Variants in ZNF475 observed in about 807,000 individuals in gnomAD.
ZNF475 encodes the protein zinc finger protein 475.
At chr5:122,160,207 T>C in the ZNF475 span, 1 of 1,289,618 alleles carries the variant, frequency 7.8e-7, no homozygotes. Flanking sequence ...TGCCTGCATA[T>C]CAGGGCAGCA....
At chr5:122,178,714 T>C in the ZNF475 span, among the ~76,000 whole-genome samples, 3 of 152,226 alleles carry the variant, frequency 2.0e-5, no homozygotes, top group Non-Finnish European at 4.4e-5. Context: ...TAGTTTCTTT[T>C]GCTGTGCAGA....
the ZNF475 span, among the ~76,000 whole-genome samples, chr5:122,164,809 C>G: frequency 6.6e-6 from 1 of 152,164 alleles, no homozygotes; most frequent in Non-Finnish European, 1.5e-5. Context: ...AATGCTTCCT[C>G]CACTCAGCAG....
the ZNF475 span, among the ~76,000 whole-genome samples, chr5:122,165,745 C>T: frequency 4.9e-5 from 7 of 143,054 alleles, no homozygotes; most frequent in South Asian, 2.3e-4. Context: ...GTTTGATGTA[C>T]GGATGATGCA....
chr5:122,165,144 G>A, the ZNF475 span, among the ~76,000 whole-genome samples: 1 of 152,172 alleles, frequency 6.6e-6, no homozygotes, highest in South Asian at 2.1e-4. Flanking sequence ...ACCTATTGAG[G>A]GACAGCCCTT....
the ZNF475 span, among the ~76,000 whole-genome samples, chr5:122,160,850 A>T: frequency 1.3e-5 from 2 of 152,230 alleles, no homozygotes; most frequent in African/African-American, 4.8e-5. Flanking sequence ...CCTAGTGATC[A>T]TGCATACTGA....
chr5:122,173,673 A>T, the ZNF475 span, among the ~76,000 whole-genome samples: 3 of 152,262 alleles, frequency 2.0e-5, no homozygotes, highest in African/African-American at 7.2e-5. Flanking sequence ...AATTGAAAAC[A>T]TATGAAAAGT....
chr5:122,164,009 C>A, the ZNF475 span, among the ~76,000 whole-genome samples: 10 of 151,686 alleles, frequency 6.6e-5, 1 homozygote, highest in East Asian at 1.4e-3. Flanking sequence ...TGTTTTAATT[C>A]CTCAGTCAAT....
chr5:122,160,467 G>A, the ZNF475 span, among the ~76,000 whole-genome samples: 4 of 152,170 alleles, frequency 2.6e-5, no homozygotes, highest in African/African-American at 9.7e-5. Flanking sequence ...ACAAATCACA[G>A]TCTAATATAA....
chr5:122,172,573 T>A, the ZNF475 span, among the ~76,000 whole-genome samples: 46 of 152,308 alleles, frequency 3.0e-4, no homozygotes, highest in East Asian at 4.8e-3. Context: ...GTTACACTAA[T>A]CAGATTTTCA....
chr5:122,168,872 AG>A, the ZNF475 span, among the ~76,000 whole-genome samples: 19,523 of 152,178 alleles, frequency 0.13, 1,424 homozygotes, highest in South Asian at 0.2. Context: ...TGACTGATGC[AG>A]CTCTCTTATA....
chr5:122,160,463 C>G, the ZNF475 span, among the ~76,000 whole-genome samples: 1 of 152,206 alleles, frequency 6.6e-6, no homozygotes, highest in East Asian at 1.9e-4. Context: ...CTGTACAAAT[C>G]ACAGTCTAAT....
chr5:122,179,051 G>T, the ZNF475 span, among the ~76,000 whole-genome samples: 1 of 152,108 alleles, frequency 6.6e-6, no homozygotes, highest in Non-Finnish European at 1.5e-5. Flanking sequence ...GGTTGTAGAT[G>T]TGTGGCATTA....
chr5:122,169,847 G>T, the ZNF475 span, among the ~76,000 whole-genome samples: 2 of 152,154 alleles, frequency 1.3e-5, no homozygotes, highest in African/African-American at 4.8e-5. Context: ...TTGGTTACTT[G>T]TGAGTTCATT....
chr5:122,180,968 C>T, the ZNF475 span, among the ~76,000 whole-genome samples: 1 of 152,180 alleles, frequency 6.6e-6, no homozygotes, highest in African/African-American at 2.4e-5. Flanking sequence ...CAGCATTTCT[C>T]ATTTGGTGTC....
the ZNF475 span, among the ~76,000 whole-genome samples, chr5:122,181,089 A>T: frequency 6.6e-6 from 1 of 152,128 alleles, no homozygotes. Flanking sequence ...GTGGTTCACT[A>T]TTCTGTTACT....
At chr5:122,179,429 T>C in the ZNF475 span, 1 of 466,272 alleles carries the variant, frequency 2.1e-6, no homozygotes, top group East Asian at 3.6e-5. Flanking sequence ...GGGTAGTGGT[T>C]TATAGCTCTC....
the ZNF475 span, among the ~76,000 whole-genome samples, chr5:122,172,017 T>C: frequency 6.6e-6 from 1 of 152,210 alleles, no homozygotes. Flanking sequence ...AGTGCTGGGA[T>C]TACAGATAAG....
chr5:122,174,450 C>T, the ZNF475 span, among the ~76,000 whole-genome samples: 2 of 152,114 alleles, frequency 1.3e-5, no homozygotes, highest in Non-Finnish European at 2.9e-5. Flanking sequence ...GGGTTGTTTG[C>T]GCTTCACTAG....
chr5:122,162,449 A>G, the ZNF475 span: 4 of 152,248 alleles, frequency 2.6e-5, no homozygotes, highest in African/African-American at 9.6e-5. Context: ...AAACTCTGCA[A>G]TTGTTAAGGT....
Sources: gnomAD v4.1 joint callset for allele counts (sites outside exome capture counted in the v4.1 genomes callset) on GRCh38, gnomAD v4.1.1 for gene constraint, MANE v1.5 for transcripts, NCBI Gene and HGNC (gene_info 2026-07-23, HGNC 2026-07-21) for gene names.